Variants in GRID1 observed in about 807,000 individuals in gnomAD.
GRID1 encodes glutamate ionotropic receptor delta type subunit 1.
In GRID1, 28 loss-of-function variants were observed where a neutral mutation model predicts 98.0. The observed-to-expected ratio is 0.29, with a 90% CI of 0.21 to 0.39. The LOEUF is 0.39. Ranked by LOEUF, GRID1 falls within the 10% of genes least tolerant of loss-of-function variation. The pLI, the probability that GRID1 is intolerant of heterozygous loss-of-function variation, is 1.00. For synonymous variants in GRID1, 553 were observed against 538.5 expected (o/e 1.03, Z -0.37); for missense variants, 1,111 against 1,340.5 (o/e 0.83, Z 2.67).
intron 2 of GRID1, among the ~76,000 whole-genome samples, chr10:86,305,272 G>A (rs1052183961): frequency 2.6e-5 from 4 of 152,112 alleles, no homozygotes; most frequent in African/African-American, 7.2e-5. Context: ...CCATCTCTTG[G>A]GGGAAGCCCT....
intron 13 of GRID1, 35 bp downstream of exon 13, chr10:85,647,167 A>G: frequency 6.4e-7 from 1 of 1,568,568 alleles, no homozygotes; most frequent in Non-Finnish European, 8.8e-7. Context: ...TGGCCCTGTT[A>G]CAGTGCACGT....
intron 5 of GRID1, among the ~76,000 whole-genome samples, chr10:85,895,460 C>T (rs550697416): frequency 1.3e-5 from 2 of 152,224 alleles, no homozygotes; most frequent in Non-Finnish European, 2.9e-5. Flanking sequence ...ACAGAATATC[C>T]TCCCACCCAT....
Position 86,173,220 on chromosome 10 carries a change from G to T in GRID1, c.520+33144C>A, listed in dbSNP as rs144601808. Among the ~76,000 whole-genome samples the T allele has an allele frequency of 4.1e-3, 625 of 152,130 alleles. 5 individuals carry two copies. The highest frequency in any genetic ancestry group is 0.014 in the African/African-American group (583 of 41,498). ...GCTTGGCTAATTTTTATTGTTTTTTGTAGACACAGGGTCTTGCTATGTTGC... is the reference window on the plus strand; with the variant it reads ...GCTTGGCTAATTTTTATTGTTTTTTTTAGACACAGGGTCTTGCTATGTTGC... On this transcript the variant is annotated intron_variant, in intron 3 of 15. Transcript: ENST00000327946.
At chr10:85,989,802 C>T (rs547040229) in intron 4 of GRID1, among the ~76,000 whole-genome samples, 20 of 152,310 alleles carry the variant, frequency 1.3e-4, no homozygotes, top group Non-Finnish European at 1.9e-4. Context: ...TAGGATCTGA[C>T]AGTTTATATC....
chr10:86,271,055 G>A (rs1847177848), intron 2 of GRID1, among the ~76,000 whole-genome samples: 1 of 152,168 alleles, frequency 6.6e-6, no homozygotes. Flanking sequence ...CACAGAGAAA[G>A]ACACCTGGCG....
intron 8 of GRID1, among the ~76,000 whole-genome samples, chr10:85,754,330 A>G (rs866092153): frequency 2.6e-5 from 4 of 152,266 alleles, no homozygotes; most frequent in African/African-American, 7.2e-5. Context: ...TGACAGGCAC[A>G]GGTCACAGAA....
chr10:86,009,996 A>G (rs760231379), intron 4 of GRID1, among the ~76,000 whole-genome samples: 43 of 152,170 alleles, frequency 2.8e-4, no homozygotes, highest in Non-Finnish European at 4.9e-4. Flanking sequence ...CAGGTACCTC[A>G]TCCAGGTTTG....
chr10:86,047,836 G>A (rs990728321), intron 4 of GRID1, among the ~76,000 whole-genome samples: 5 of 152,182 alleles, frequency 3.3e-5, no homozygotes, highest in African/African-American at 7.2e-5. Flanking sequence ...TAGGGAGCTC[G>A]CTGTAATATT....
chr10:85,960,461 CCT>C (rs1430533287), intron 4 of GRID1, among the ~76,000 whole-genome samples: 2 of 152,172 alleles, frequency 1.3e-5, no homozygotes, highest in African/African-American at 4.8e-5. Flanking sequence ...GGTCTAGAGC[CCT>C]CTCTTTGCTA....
At chr10:85,863,208 G>A (rs1843182399) in intron 6 of GRID1, among the ~76,000 whole-genome samples, 1 of 152,208 alleles carries the variant, frequency 6.6e-6, no homozygotes, top group Non-Finnish European at 1.5e-5. Flanking sequence ...AGATCAAGGT[G>A]CCTACAGATT....
At position 86,085,519 on chromosome 10, in the gene GRID1, T is replaced by TG. The variant is rs372571603; in HGVS notation, c.726+53299dup. Among the ~76,000 whole-genome samples the TG allele has an allele frequency of 5.1e-3, 775 of 152,300 alleles. 10 individuals are homozygous for TG. Among genetic ancestry groups the TG allele is most frequent in the African/African-American group, 0.018 (729 of 41,560 alleles). Reference sequence around the variant, plus strand: ...CAATTGTACTCTCCAAGAGTCCTGGTGCTCCAGGGACCTGGGTGGGGAAGA... The same window carrying TG: ...CAATTGTACTCTCCAAGAGTCCTGGTGGCTCCAGGGACCTGGGTGGGGAAGA... On this transcript the variant is annotated intron_variant, in intron 4 of 15. Transcript: ENST00000327946.
intron 2 of GRID1, among the ~76,000 whole-genome samples, chr10:86,344,581 G>A (rs1394868426): frequency 6.6e-6 from 1 of 152,220 alleles, no homozygotes; most frequent in Non-Finnish European, 1.5e-5. Context: ...GGGAGAAATG[G>A]AGCACAGCCC....
chr10:85,663,920 A>G (rs900557779), intron 12 of GRID1, among the ~76,000 whole-genome samples: 8 of 152,214 alleles, frequency 5.3e-5, no homozygotes, highest in African/African-American at 1.9e-4. Context: ...AATGTGCTCT[A>G]TACTCCCTGC....
At chr10:85,918,611 T>C (rs1010430588) in intron 4 of GRID1, among the ~76,000 whole-genome samples, 1 of 152,320 alleles carries the variant, frequency 6.6e-6, no homozygotes, top group Admixed American at 6.5e-5. Flanking sequence ...AATATAGGTG[T>C]CTTTAAATTG....
At chr10:85,894,576 A>T (rs964289357) in intron 5 of GRID1, among the ~76,000 whole-genome samples, 6 of 152,166 alleles carry the variant, frequency 3.9e-5, no homozygotes, top group African/African-American at 1.4e-4. Context: ...ACAAATGTAT[A>T]TTTCAAAACT....
chr10:85,871,973 CGACA>C (rs993641716), intron 5 of GRID1, among the ~76,000 whole-genome samples: 1 of 152,078 alleles, frequency 6.6e-6, no homozygotes. Context: ...AGATTGGAAC[CGACA>C]GACAGTCAAA....
chr10:85,874,481 A>G (rs932856562), intron 5 of GRID1, among the ~76,000 whole-genome samples: 89 of 152,252 alleles, frequency 5.8e-4, no homozygotes, highest in Non-Finnish European at 1.1e-3. Flanking sequence ...TCTTTTATAC[A>G]CTTATGAATC....
chr10:86,136,091 C>T (rs534659084), intron 4 of GRID1, among the ~76,000 whole-genome samples: 80 of 152,302 alleles, frequency 5.3e-4, no homozygotes, highest in African/African-American at 1.9e-3. Flanking sequence ...TTGTGAACAT[C>T]GTTTGTCCTT....
At chr10:85,729,752 C>T in intron 8 of GRID1, 138 bp from the exon 9 acceptor site, 2 of 577,936 alleles carry the variant, frequency 3.5e-6, no homozygotes, top group Non-Finnish European at 6.2e-6. Flanking sequence ...GACCCAGAGC[C>T]ATTTTAAAAC....
Sources: gnomAD v4.1 joint callset for allele counts (sites outside exome capture counted in the v4.1 genomes callset) on GRCh38, gnomAD v4.1.1 for gene constraint, MANE v1.5 for transcripts, NCBI Gene and HGNC (gene_info 2026-07-23, HGNC 2026-07-21) for gene names.